FGF14: variants seen among roughly 807,000 people sequenced by gnomAD.
FGF14 encodes fibroblast growth factor homologous factor 4.
Under a neutral mutation model 25.5 loss-of-function variants are expected in FGF14, and 5 were observed. The observed-to-expected ratio is 0.20, with a 90% confidence interval of 0.10 to 0.41. FGF14 has a LOEUF of 0.41. Among genes scored for constraint, FGF14 ranks in the 10% least tolerant of loss-of-function variants. The probability of loss-of-function intolerance (pLI) is 1.00; values close to 1 mark genes in which losing one functional copy is unlikely to be tolerated. For synonymous variants in FGF14, 138 were observed against 118.3 expected (o/e 1.17, Z -1.08); for missense variants, 222 against 320.1 (o/e 0.69, Z 2.34).
chr13:101,766,288 A>G (rs568094775), intron 3 of FGF14, among the ~76,000 whole-genome samples: 1 of 152,304 alleles, frequency 6.6e-6, no homozygotes, highest in African/African-American at 2.4e-5. Context: ...TGGAGGCAGA[A>G]GTCACAACCT....
intron 1 of FGF14, among the ~76,000 whole-genome samples, chr13:102,346,399 C>A (rs1347206617): frequency 6.6e-6 from 1 of 151,938 alleles, no homozygotes; most frequent in East Asian, 1.9e-4. Flanking sequence ...TAACCCATCC[C>A]AGGTCATATA....
At chr13:102,020,731 C>T (rs1356216517) in intron 1 of FGF14, among the ~76,000 whole-genome samples, 1 of 152,042 alleles carries the variant, frequency 6.6e-6, no homozygotes, top group African/African-American at 2.4e-5. Flanking sequence ...GTGACTTTCT[C>T]TAGCAGCATT....
At chr13:102,307,784 A>G (rs1045458009) in intron 1 of FGF14, among the ~76,000 whole-genome samples, 1 of 152,156 alleles carries the variant, frequency 6.6e-6, no homozygotes, top group Non-Finnish European at 1.5e-5. Flanking sequence ...ATTGAGACAG[A>G]AAGGATATCC....
At chr13:101,944,000 A>C (rs1355245863) in intron 1 of FGF14, among the ~76,000 whole-genome samples, 1 of 86,008 alleles carries the variant, frequency 1.2e-5, no homozygotes, top group East Asian at 3.0e-4. Flanking sequence ...CTCCGTCTCA[A>C]AAAAAAAAAA....
chr13:102,285,564 C>T (rs1318555182), intron 1 of FGF14, among the ~76,000 whole-genome samples: 2 of 152,160 alleles, frequency 1.3e-5, no homozygotes, highest in African/African-American at 4.8e-5. Flanking sequence ...TTTGAGAGTA[C>T]ACTACATTCC....
intron 3 of FGF14, among the ~76,000 whole-genome samples, chr13:101,850,487 TATATATATATATATATA>T (rs2043731468): frequency 5.8e-4 from 1 of 1,736 alleles, no homozygotes; most frequent in African/African-American, 9.7e-4. Flanking sequence ...TATATATATA[TATATATATATATATATA>T]TATATATATA....
At chr13:102,355,273 T>C (rs1363701884) in intron 1 of FGF14, among the ~76,000 whole-genome samples, 1 of 152,168 alleles carries the variant, frequency 6.6e-6, no homozygotes, top group Non-Finnish European at 1.5e-5. Context: ...TTAGGCTTTG[T>C]AGGTCACATT....
intron 1 of FGF14, among the ~76,000 whole-genome samples, chr13:102,295,421 G>C (rs543618317): frequency 6.6e-6 from 1 of 152,256 alleles, no homozygotes; most frequent in Admixed American, 6.5e-5. Context: ...CCCCTTAGCA[G>C]CCTTAAGTTT....
At chr13:102,031,328 T>C (rs1471686558) in intron 1 of FGF14, among the ~76,000 whole-genome samples, 2 of 152,112 alleles carry the variant, frequency 1.3e-5, no homozygotes, top group African/African-American at 4.8e-5. Context: ...TAGCAACACA[T>C]TACACACCAT....
At chr13:102,327,456 C>T (rs1257997340) in intron 1 of FGF14, among the ~76,000 whole-genome samples, 1 of 152,168 alleles carries the variant, frequency 6.6e-6, no homozygotes, top group Non-Finnish European at 1.5e-5. Flanking sequence ...AAACAATTAC[C>T]TTAATTCAAA....
intron 1 of FGF14, among the ~76,000 whole-genome samples, chr13:102,171,891 GGTTTT>G (rs1339795016): frequency 1.5e-5 from 1 of 67,696 alleles, no homozygotes; most frequent in African/African-American, 1.6e-4. Context: ...AAATATTCTA[GGTTTT>G]TTTTTTTTTG....
chr13:102,155,572 A>C (rs1342614475), intron 1 of FGF14, among the ~76,000 whole-genome samples: 2 of 152,186 alleles, frequency 1.3e-5, no homozygotes, highest in Admixed American at 6.5e-5. Flanking sequence ...AAAGATCTAA[A>C]ATTGACACCC....
At chr13:101,949,363 T>C (rs983151017) in intron 1 of FGF14, among the ~76,000 whole-genome samples, 1 of 152,108 alleles carries the variant, frequency 6.6e-6, no homozygotes, top group African/African-American at 2.4e-5. Flanking sequence ...TTGGAGTCCT[T>C]TCTGTCTAGA....
intron 3 of FGF14, among the ~76,000 whole-genome samples, chr13:101,848,601 G>A (rs1032290485): frequency 9.9e-5 from 15 of 151,968 alleles, no homozygotes; most frequent in African/African-American, 3.6e-4. Context: ...CCAGCCACCG[G>A]ATAACAGAAA....
chr13:102,176,479 A>G (rs892306932), intron 1 of FGF14, among the ~76,000 whole-genome samples: 6 of 152,126 alleles, frequency 3.9e-5, no homozygotes, highest in Non-Finnish European at 8.8e-5. Context: ...AATGTTCACT[A>G]TTTGAGTGGT....
chr13:102,296,525 A>C (rs923803538), intron 1 of FGF14, among the ~76,000 whole-genome samples: 1 of 152,198 alleles, frequency 6.6e-6, no homozygotes, highest in African/African-American at 2.4e-5. Flanking sequence ...AGTGCACTTA[A>C]GAGTAATAAG....
intron 3 of FGF14, among the ~76,000 whole-genome samples, chr13:101,854,016 T>C (rs1253076587): frequency 6.6e-6 from 1 of 152,112 alleles, no homozygotes; most frequent in Non-Finnish European, 1.5e-5. Flanking sequence ...TATTATATGA[T>C]GAGATAAAAA....
chr13:102,328,946 C>T (rs556709607), intron 1 of FGF14, among the ~76,000 whole-genome samples: 10 of 152,270 alleles, frequency 6.6e-5, no homozygotes, highest in African/African-American at 2.2e-4. Flanking sequence ...GCCTCACCAC[C>T]ATAATGTCCC....
At chr13:101,997,691 T>C (rs1487783151) in intron 1 of FGF14, among the ~76,000 whole-genome samples, 1 of 152,136 alleles carries the variant, frequency 6.6e-6, no homozygotes, top group Non-Finnish European at 1.5e-5. Flanking sequence ...TTACAAGCTA[T>C]AACATAATTG....
Sources: allele counts gnomAD v4.1 joint callset (sites outside exome capture counted in the v4.1 genomes callset), GRCh38; gene constraint gnomAD v4.1.1; transcripts MANE v1.5; gene names NCBI Gene and HGNC (gene_info 2026-07-23, HGNC 2026-07-21).